Variants in TMEM54 observed in about 807,000 individuals in gnomAD.
The protein encoded by TMEM54 is beta-casein-like protein.
Under a neutral mutation model 21.3 loss-of-function variants are expected in TMEM54, and 21 were observed. The ratio of observed to expected loss-of-function variants is 0.99; its 90% confidence interval spans 0.70 to 1.42. TMEM54 has a LOEUF of 1.42. Among genes scored for constraint, TMEM54 ranks in the 40% most tolerant of loss-of-function variants. The pLI, the probability that TMEM54 is intolerant of heterozygous loss-of-function variation, is 0.00. For missense variants in TMEM54, 246 were observed against 294.0 expected (o/e 0.84, Z 1.19); for synonymous variants, 109 against 125.0 (o/e 0.87, Z 0.86).
In TMEM54 at chr1:32,895,330, C is replaced by A. The variant is rs765563498; in HGVS notation, c.569G>T (p.Trp190Leu). ...CATGTGGTGGCTGCTTTTCCCCCAC[C>A]AGGGCCTCAGCTCCAGCAGCTGGTG... ...LTHQLLELRP[W>L]WGKSSHHMMR... The change falls in exon 5 of 6, where the codon TGG becomes TTG. Residue 190 changes from tryptophan (W) to leucine (L), a missense_variant. Physicochemically the swap from Trp to Leu is moderately conservative, Grantham distance 61. Transcript: ENST00000373463. The surrounding 1 kb of genome is among the most constrained non-coding windows in gnomAD (Gnocchi z 5.8). 1.9e-6 allele frequency: 3 copies of A among 1,613,096 alleles called. No homozygotes were observed. The African/African-American group carries it at 4.0e-5, about 22-fold the overall frequency.
chr1:32,900,531 T>A (rs995273918), intron 1 of TMEM54, among the ~76,000 whole-genome samples: 2 of 152,184 alleles, frequency 1.3e-5, no homozygotes, highest in African/African-American at 4.8e-5. Context: ...GTCTTACCAC[T>A]GTGGGAGCGC....
rs751021383 is a variant in TMEM54, at chr1:32,895,359, G to T, written c.540C>A (p.Leu180=). Residue 180 remains leucine, a synonymous_variant, in exon 5 of 6, where the codon CTC becomes CTA. Coordinates refer to ENST00000373463, the MANE Select transcript of TMEM54 (RefSeq NM_033504.4). This position sits in a 1 kb window ranked among gnomAD's most constrained non-coding sequence, Gnocchi z 5.8. The part of the protein sequence containing the change: ...ENVFAVRCAQ[L]THQLLELRPW... ...GCCTCAGCTCCAGCAGCTGGTGGGT[G>T]AGCTGAGCACAGCGTACAGCAAACA... is the stretch of plus-strand genomic sequence containing the variant. 6.2e-7 allele frequency: 1 copy of T among 1,613,966 alleles called. No individual in the cohort carries two copies. The highest frequency in any genetic ancestry group is 8.5e-7 in the Non-Finnish European group (1 of 1,179,872).
chr1:32,895,153 C>T lies in TMEM54; in HGVS notation c.594+152G>A. ...TGCTGGGAGATCTCACCTCTCCCAG[C>T]CTCCAGGCCTCTCCCTTTGCTCCTG... On this transcript the variant is annotated intron_variant, in intron 5 of 5. Transcript: ENST00000373463. The surrounding 1 kb of genome is among the most constrained non-coding windows in gnomAD (Gnocchi z 5.8). The T allele has an allele frequency of 8.0e-7, 1 of 1,243,886 alleles. No individual in the cohort carries two copies. Among genetic ancestry groups the T allele is most frequent in the Non-Finnish European group, 1.1e-6 (1 of 915,894 alleles). The allele number at this position is 1,243,886 out of a possible 1,614,324, so 77.1% of individuals were successfully genotyped here. A position where few individuals can be genotyped will look rare whatever the true frequency, so the allele number is the denominator to read the frequency against.
At position 32,895,387 on chromosome 1, in the gene TMEM54, T is replaced by C; in HGVS notation, c.512A>G (p.Asn171Ser). The stretch of plus-strand genomic sequence containing the variant: ...CTGAGCACAGCGTACAGCAAACACG[T>C]TCTCCGCCACGCAGAGCACTAGGGC... The part of the protein sequence containing the change: ...GIALVLCVAE[N>S]VFAVRCAQLT... The change falls in exon 5 of 6, where the codon AAC becomes AGC. Residue 171 changes from asparagine to serine, a missense_variant. Transcript: ENST00000373463. The surrounding 1 kb of genome is among the most constrained non-coding windows in gnomAD (Gnocchi z 5.8). The C allele has an allele frequency of 1.2e-6, 2 of 1,614,036 alleles. No homozygotes were observed. Among genetic ancestry groups the C allele is most frequent in the Non-Finnish European group, 1.7e-6 (2 of 1,179,964 alleles).
rs549423287 is a variant in TMEM54, at chr1:32,901,116, G to C, written c.16+107C>G. ...CCGGCCTCGTAGTAAGTTAGAGGCAGAGCAGGTGGCCTGGCCCCCTGGGGG... is the reference window on the plus strand; with the variant it reads ...CCGGCCTCGTAGTAAGTTAGAGGCACAGCAGGTGGCCTGGCCCCCTGGGGG... On this transcript the variant is annotated intron_variant, in intron 1 of 5. Transcript: ENST00000373463. The surrounding 1 kb of genome is among the most constrained non-coding windows in gnomAD (Gnocchi z 4.2). 8.2e-7 allele frequency: 1 copy of C among 1,219,104 alleles called. No individual in the cohort carries two copies. Among genetic ancestry groups the C allele is most frequent in the East Asian group, 3.0e-5 (1 of 33,006 alleles). 75.5% of individuals were successfully genotyped at this position (1,219,104 alleles called of 1,614,324 possible). A position where few individuals can be genotyped will look rare whatever the true frequency, so the allele number is the denominator to read the frequency against.
At chr1:32,898,065 G>A in intron 2 of TMEM54, 61 bp downstream of exon 2, 1 of 1,507,190 alleles carries the variant, frequency 6.6e-7, no homozygotes, top group South Asian at 1.2e-5. Context: ...GGGACCTGTT[G>A]AAGACCCTTC....
rs1289063865 is a variant in TMEM54 at position 32,896,817 on chromosome 1, C to T, written c.211-848G>A. ...ATGTCTTTAGTTCACATGAGAGCCA[C>T]AACAGAGTGCCTCATCTCTGTGGGC... On this transcript the variant is annotated intron_variant, in intron 2 of 5. Coordinates refer to ENST00000373463, the MANE Select transcript of TMEM54 (RefSeq NM_033504.4). The surrounding 1 kb of genome is among the most constrained non-coding windows in gnomAD (Gnocchi z 4.1). 2.0e-5 allele frequency among the ~76,000 whole-genome samples: 3 copies of T among 152,250 alleles called. No individual in the cohort carries two copies. Among genetic ancestry groups the T allele is most frequent in the Non-Finnish European group, 4.4e-5 (3 of 68,038 alleles).
In TMEM54 at chr1:32,895,414, A is replaced by AT. The variant is rs776950119; in HGVS notation, c.484dup (p.Ile162AsnfsTer49). ...CTCCGCCACGCAGAGCACTAGGGCGATGCCCCAGAGGCACAGGCTGGAGCT... is the reference window on the plus strand; with the variant it reads ...CTCCGCCACGCAGAGCACTAGGGCGATTGCCCCAGAGGCACAGGCTGGAGCT... On this transcript the variant is annotated frameshift_variant, in exon 5 of 6. Coordinates refer to ENST00000373463, the MANE Select transcript of TMEM54 (RefSeq NM_033504.4). LOFTEE classifies it high-confidence loss of function. The surrounding 1 kb of genome is among the most constrained non-coding windows in gnomAD (Gnocchi z 5.8). The AT allele has an allele frequency of 1.4e-4, 222 of 1,613,452 alleles. No individual in the cohort carries two copies. Among genetic ancestry groups the AT allele is most frequent in the Non-Finnish European group, 1.8e-4 (216 of 1,179,620 alleles).
intron 1 of TMEM54, among the ~76,000 whole-genome samples, chr1:32,898,693 G>A (rs892175434): frequency 2.0e-5 from 3 of 152,276 alleles, no homozygotes; most frequent in Admixed American, 2.0e-4. Flanking sequence ...CAGAGTGTCT[G>A]CTCTGTGCCA....
Position 32,898,377 on chromosome 1 carries a change from G to C in TMEM54, c.17-58C>G, listed in dbSNP as rs1030627229. On this transcript the variant is annotated intron_variant, in intron 1 of 5. Coordinates refer to ENST00000373463, the MANE Select transcript of TMEM54 (RefSeq NM_033504.4). Reference sequence around the variant, plus strand: ...GGGGCTTATCCTGCTGGGCAGAAGGGGAAGCTGAGGCCCTGGCCCTAGTGA... The same window carrying C: ...GGGGCTTATCCTGCTGGGCAGAAGGCGAAGCTGAGGCCCTGGCCCTAGTGA... The C allele has an allele frequency of 5.4e-6, 8 of 1,494,908 alleles. No homozygotes were observed. In the African/African-American group the frequency reaches 1.1e-4, roughly 20 times the overall value. 92.6% of individuals were successfully genotyped at this position (1,494,908 alleles called of 1,614,324 possible). A position where few individuals can be genotyped will look rare whatever the true frequency, so the allele number is the denominator to read the frequency against.
In TMEM54 at chr1:32,901,110, G is replaced by T; in HGVS notation, c.16+113C>A. ...CCGACCCCGGCCTCGTAGTAAGTTA[G>T]AGGCAGAGCAGGTGGCCTGGCCCCC... On this transcript the variant is annotated intron_variant, in intron 1 of 5. Coordinates refer to ENST00000373463, the MANE Select transcript of TMEM54 (RefSeq NM_033504.4). This position sits in a 1 kb window ranked among gnomAD's most constrained non-coding sequence, Gnocchi z 4.2. 1 of 1,181,926 alleles carries T rather than the reference G, an allele frequency of 8.5e-7. No individual in the cohort carries two copies. 73.2% of individuals were successfully genotyped at this position (1,181,926 alleles called of 1,614,324 possible).
chr1:32,899,391 GAAAAA>G (rs11284140), intron 1 of TMEM54, among the ~76,000 whole-genome samples: 4 of 122,996 alleles, frequency 3.3e-5, no homozygotes, highest in African/African-American at 6.1e-5. Flanking sequence ...CTCTGCAGCT[GAAAAA>G]AAAAAAAAAA....
rs146752451 is a variant in TMEM54, at chr1:32,894,660, T to A, written c.*145A>T. ...CATTTCAGTGCAGTGGGCTGGGTGG[T>A]GGGGGAGAGGGTTGAAAGCCCCACT... On this transcript the variant is annotated 3_prime_UTR_variant, in exon 6 of 6. Transcript: ENST00000373463. 3.6e-4 allele frequency: 363 copies of A among 1,014,882 alleles called. No individual in the cohort carries two copies. In the African/African-American group the frequency reaches 4.3e-3, roughly 12 times the overall value. The allele number at this position is 1,014,882 out of a possible 1,614,324, so 62.9% of individuals were successfully genotyped here.
At chr1:32,900,103 G>A (rs1043230874) in intron 1 of TMEM54, among the ~76,000 whole-genome samples, 1 of 152,178 alleles carries the variant, frequency 6.6e-6, no homozygotes, top group Non-Finnish European at 1.5e-5. Context: ...CTGGGAGCTC[G>A]GTGTCTACCT....
chr1:32,898,036 C>T, intron 2 of TMEM54, 90 bp downstream of exon 2: 1 of 1,300,090 alleles, frequency 7.7e-7, no homozygotes, highest in Non-Finnish European at 1.1e-6. Context: ...TGTCTGCTTA[C>T]CACCACAGGC....
rs1641594709 is a variant in TMEM54 at position 32,896,112 on chromosome 1, G to T, written c.211-143C>A. The T allele has an allele frequency of 1.2e-6, 1 of 811,654 alleles. No individual in the cohort carries two copies. The allele number at this position is 811,654 out of a possible 1,614,324, so 50.3% of individuals were successfully genotyped here. On this transcript the variant is annotated intron_variant, in intron 2 of 5. Coordinates refer to ENST00000373463, the MANE Select transcript of TMEM54 (RefSeq NM_033504.4). This position sits in a 1 kb window ranked among gnomAD's most constrained non-coding sequence, Gnocchi z 4.1. Reference sequence around the variant, plus strand: ...CCACCCCTCACCTGCTGCTTAGCCTGGGCCTCACATCTCCATCTGCCTCCT... The same window carrying T: ...CCACCCCTCACCTGCTGCTTAGCCTTGGCCTCACATCTCCATCTGCCTCCT...
intron 1 of TMEM54, among the ~76,000 whole-genome samples, chr1:32,900,717 A>G (rs1197348050): frequency 1.3e-5 from 2 of 152,230 alleles, no homozygotes; most frequent in Non-Finnish European, 2.9e-5. Flanking sequence ...GCCCACAAGC[A>G]GCATCACCGT....
rs761750680 is a variant in TMEM54 at position 32,895,516 on chromosome 1, C to A, written c.459+39G>T. Reference sequence around the variant, plus strand: ...ATTCCAAGAGCCCTTCCCACCCGTGCGAGGGCCTGGTGCCCCTACTCCAGG... The same window carrying A: ...ATTCCAAGAGCCCTTCCCACCCGTGAGAGGGCCTGGTGCCCCTACTCCAGG... On this transcript the variant is annotated intron_variant, in intron 4 of 5. Coordinates refer to ENST00000373463, the MANE Select transcript of TMEM54 (RefSeq NM_033504.4). This position sits in a 1 kb window ranked among gnomAD's most constrained non-coding sequence, Gnocchi z 5.8. 6.3e-7 allele frequency: 1 copy of A among 1,590,028 alleles called. No individual in the cohort carries two copies. The highest frequency in any genetic ancestry group is 1.7e-4 in the Middle Eastern group (1 of 6,020).
Position 32,896,103 on chromosome 1 carries a change from G to A in TMEM54, c.211-134C>T, listed in dbSNP as rs977386870. On this transcript the variant is annotated intron_variant, in intron 2 of 5. Transcript: ENST00000373463. This position sits in a 1 kb window ranked among gnomAD's most constrained non-coding sequence, Gnocchi z 4.1. ...CAGACTCCCCCACCCCTCACCTGCT[G>A]CTTAGCCTGGGCCTCACATCTCCAT... The A allele has an allele frequency of 4.4e-6, 4 of 911,820 alleles. No homozygotes were observed. Among genetic ancestry groups the A allele is most frequent in the Non-Finnish European group, 6.5e-6 (4 of 617,894 alleles). 56.5% of individuals were successfully genotyped at this position (911,820 alleles called of 1,614,324 possible). A position where few individuals can be genotyped will look rare whatever the true frequency, so the allele number is the denominator to read the frequency against.
Sources: gnomAD v4.1 joint callset for allele counts (sites outside exome capture counted in the v4.1 genomes callset) on GRCh38, gnomAD v4.1.1 for gene constraint, Gnocchi (gnomAD v3.1) non-coding constraint, MANE v1.5 for transcripts, NCBI Gene and HGNC (gene_info 2026-07-23, HGNC 2026-07-21) for gene names.